DZIP1L: variants seen among roughly 807,000 people sequenced by gnomAD.
The protein encoded by DZIP1L is DAZ interacting zinc finger protein 1 like, also known as cilium assembly protein DZIP1L.
In DZIP1L, 90 loss-of-function variants were observed where a neutral mutation model predicts 88.7. That is an observed-to-expected ratio of 1.02 (90% CI 0.86 to 1.21). The LOEUF is 1.21. Ranked by LOEUF, DZIP1L falls within the 50% of genes most tolerant of loss-of-function variation. The pLI is 0.00. For synonymous variants in DZIP1L, 363 were observed against 372.1 expected (o/e 0.98, Z 0.28); for missense variants, 932 against 955.8 (o/e 0.98, Z 0.33).
At chr3:138,085,411 AAAAAAACAAACAACCCCATC>A (rs1416132542) in intron 7 of DZIP1L, among the ~76,000 whole-genome samples, 17 of 152,198 alleles carry the variant, frequency 1.1e-4, no homozygotes, top group African/African-American at 4.1e-4. Context: ...AATTTACAAG[AAAAAAACAAACAACCCCATC>A]AAAAAGTGGG....
At chr3:138,109,440 A>G (rs754210923) in intron 1 of DZIP1L, among the ~76,000 whole-genome samples, 2 of 152,032 alleles carry the variant, frequency 1.3e-5, no homozygotes, top group Non-Finnish European at 2.9e-5. Context: ...GTCCTTTGCC[A>G]CCTCCTTTTG....
In DZIP1L at chr3:138,111,420, G is replaced by A. The variant is rs1054207574; in HGVS notation, c.-82+3908C>T. ...TAAGAGCTGAGAGTGCAGGAGTCCC[G>A]GCAGGTGGAATCAGGCATATCAATG... is the stretch of plus-strand genomic sequence containing the variant. On this transcript the variant is annotated intron_variant, in intron 1 of 15. Coordinates refer to ENST00000327532, the MANE Select transcript of DZIP1L (RefSeq NM_173543.3). Among the ~76,000 whole-genome samples, 26 of 152,224 alleles carry A rather than the reference G, an allele frequency of 1.7e-4. 2 individuals are homozygous for A. Among genetic ancestry groups the A allele is most frequent in the Admixed American group, 5.9e-4 (9 of 15,294 alleles).
chr3:138,097,176 T>C (rs1276529023), intron 3 of DZIP1L, among the ~76,000 whole-genome samples: 1 of 149,744 alleles, frequency 6.7e-6, no homozygotes, highest in Non-Finnish European at 1.5e-5. Flanking sequence ...AGTGAGACCC[T>C]GTCTCAAAAA....
chr3:138,094,843 G>A lies in DZIP1L; in HGVS notation c.708+19C>T. On this transcript the variant is annotated intron_variant, in intron 4 of 15. Transcript: ENST00000327532. ...AGTCCATGACCCAAGTCTCCCTGAT[G>A]TTTTCTCTCCCTGCCCACCTGGAGC... is the stretch of plus-strand genomic sequence containing the variant. 6.2e-7 allele frequency: 1 copy of A among 1,614,018 alleles called. No individual in the cohort carries two copies. Among genetic ancestry groups the A allele is most frequent in the East Asian group, 2.2e-5 (1 of 44,882 alleles).
At chr3:138,091,915 T>C (rs147483518) in intron 5 of DZIP1L, among the ~76,000 whole-genome samples, 2 of 152,284 alleles carry the variant, frequency 1.3e-5, no homozygotes, top group African/African-American at 4.8e-5. Context: ...CAACAGAATG[T>C]CTGGCATGTA....
At chr3:138,064,913 G>A in intron 14 of DZIP1L, 146 bp from the exon 15 acceptor site, 1 of 1,241,882 alleles carries the variant, frequency 8.1e-7, no homozygotes, top group Non-Finnish European at 1.1e-6. Flanking sequence ...CACAAAAAAG[G>A]AGACAGAGAA....
chr3:138,081,424 G>A lies in DZIP1L; in HGVS notation c.1234+310C>T, dbSNP rs141871324. Among the ~76,000 whole-genome samples the A allele has an allele frequency of 2.2e-3, 335 of 152,230 alleles. 1 individual carries two copies. The highest frequency in any genetic ancestry group is 3.4e-3 in the Non-Finnish European group (233 of 68,014). ...CCCTGAATCCTGATTTTACTCATTC[G>A]CTGCAGGCATGGTGAATTAGAAAAG... On this transcript the variant is annotated intron_variant, in intron 9 of 15. Coordinates refer to ENST00000327532, the MANE Select transcript of DZIP1L (RefSeq NM_173543.3).
intron 2 of DZIP1L, chr3:138,102,792 G>C (rs2042361399): frequency 2.7e-6 from 2 of 751,068 alleles, no homozygotes; most frequent in Non-Finnish European, 4.9e-6. Context: ...AGCTGCTGCT[G>C]CCCACTCAGG....
intron 5 of DZIP1L, chr3:138,088,839 T>A (rs992303847): frequency 4.2e-5 from 42 of 1,004,596 alleles, no homozygotes; most frequent in Non-Finnish European, 4.8e-5. Flanking sequence ...AATACACTGA[T>A]GAGAATGAGA....
At chr3:138,101,522 C>G in intron 2 of DZIP1L, 1 of 796,834 alleles carries the variant, frequency 1.3e-6, no homozygotes, top group Non-Finnish European at 2.2e-6. Flanking sequence ...AGCTTCCCAT[C>G]GCAAGTCTCT....
intron 12 of DZIP1L, among the ~76,000 whole-genome samples, chr3:138,070,729 C>T (rs897062429): frequency 6.6e-6 from 1 of 152,326 alleles, no homozygotes; most frequent in East Asian, 1.9e-4. Context: ...GAGCTCAAAT[C>T]GGTTCTTCCT....
At chr3:138,099,053 C>G (rs146274285) in intron 2 of DZIP1L, among the ~76,000 whole-genome samples, 410 of 152,316 alleles carry the variant, frequency 2.7e-3, no homozygotes, top group African/African-American at 8.6e-3. Flanking sequence ...GGGAGGATCA[C>G]CTGAGCCTGG....
At chr3:138,114,011 G>A (rs2042656149) in intron 1 of DZIP1L, among the ~76,000 whole-genome samples, 2 of 152,224 alleles carry the variant, frequency 1.3e-5, no homozygotes, top group African/African-American at 4.8e-5. Flanking sequence ...CCCAGATGCA[G>A]AATTGTAAAA....
intron 3 of DZIP1L, among the ~76,000 whole-genome samples, chr3:138,095,474 T>C (rs1944426516): frequency 1.3e-5 from 2 of 152,138 alleles, no homozygotes; most frequent in South Asian, 4.1e-4. Flanking sequence ...TTTTCAATAA[T>C]GTAAGTGTAT....
intron 6 of DZIP1L, among the ~76,000 whole-genome samples, chr3:138,088,155 T>C (rs1002676999): frequency 3.3e-5 from 5 of 151,910 alleles, no homozygotes; most frequent in African/African-American, 4.8e-5. Context: ...AGAGACAGAG[T>C]TGTATGTATT....
chr3:138,075,105 A>G (rs1033210981), intron 11 of DZIP1L, among the ~76,000 whole-genome samples: 3 of 152,256 alleles, frequency 2.0e-5, no homozygotes, highest in Non-Finnish European at 2.9e-5. Context: ...GGAAAATATC[A>G]TAATTCTAAA....
chr3:138,073,696 T>C (rs1422546833), intron 11 of DZIP1L, among the ~76,000 whole-genome samples: 3 of 152,048 alleles, frequency 2.0e-5, no homozygotes, highest in Non-Finnish European at 2.9e-5. Flanking sequence ...TCACCAGCAA[T>C]GGATCCAAAC....
chr3:138,095,199 G>A (rs1033334687), intron 3 of DZIP1L, among the ~76,000 whole-genome samples: 1 of 152,218 alleles, frequency 6.6e-6, no homozygotes, highest in African/African-American at 2.4e-5. Flanking sequence ...GCTGCTGTGA[G>A]GATGAAATGT....
intron 8 of DZIP1L, among the ~76,000 whole-genome samples, chr3:138,082,137 G>C (rs574830892): frequency 6.6e-5 from 10 of 152,334 alleles, no homozygotes; most frequent in Admixed American, 2.6e-4. Flanking sequence ...CCACAATGCG[G>C]GCGTCTGAGC....
Sources: gnomAD v4.1 joint callset for allele counts (sites outside exome capture counted in the v4.1 genomes callset) on GRCh38, gnomAD v4.1.1 for gene constraint, MANE v1.5 for transcripts, NCBI Gene and HGNC (gene_info 2026-07-23, HGNC 2026-07-21) for gene names.